The following CPNE4 variants were observed in gnomAD, a reference collection of about 807,000 sequenced individuals.
The protein encoded by CPNE4 is copine-4.
In CPNE4, 25 loss-of-function variants were observed where a neutral mutation model predicts 67.9. That is an observed-to-expected ratio of 0.37 (90% CI 0.27 to 0.51). The LOEUF (loss-of-function observed/expected upper bound fraction) is 0.51. Ranked by LOEUF, CPNE4 falls within the 20% of genes least tolerant of loss-of-function variation. The pLI, the probability that CPNE4 is intolerant of heterozygous loss-of-function variation, is 0.93. For synonymous variants in CPNE4, 242 were observed against 244.9 expected (o/e 0.99, Z 0.11); for missense variants, 464 against 690.8 (o/e 0.67, Z 3.68).
chr3:131,553,694 C>T (rs1481221716), intron 12 of CPNE4, among the ~76,000 whole-genome samples: 3 of 152,074 alleles, frequency 2.0e-5, no homozygotes, highest in Non-Finnish European at 2.9e-5. Context: ...TATTTGCATC[C>T]AAACCCTTGT....
At chr3:131,545,467 T>C (rs1427659890) in intron 14 of CPNE4, among the ~76,000 whole-genome samples, 1 of 152,198 alleles carries the variant, frequency 6.6e-6, no homozygotes, top group East Asian at 1.9e-4. Flanking sequence ...TCACTATAAG[T>C]GTAATCAACA....
chr3:131,785,742 A>G (rs894892374), intron 2 of CPNE4, among the ~76,000 whole-genome samples: 3 of 150,004 alleles, frequency 2.0e-5, no homozygotes, highest in Non-Finnish European at 4.4e-5. Context: ...TGTCTGTGAG[A>G]TCATCTTCAG....
chr3:131,790,892 C>T (rs1036997368), intron 2 of CPNE4, among the ~76,000 whole-genome samples: 2 of 152,030 alleles, frequency 1.3e-5, no homozygotes, highest in African/African-American at 2.4e-5. Flanking sequence ...TAGCCTAATA[C>T]AATACAATTT....
chr3:131,675,239 A>G (rs1313405749), intron 6 of CPNE4, among the ~76,000 whole-genome samples: 1 of 152,150 alleles, frequency 6.6e-6, no homozygotes, highest in Non-Finnish European at 1.5e-5. Context: ...TACATGGTCT[A>G]TCCTTGAGAA....
intron 10 of CPNE4, among the ~76,000 whole-genome samples, chr3:131,567,529 G>T (rs569020540): frequency 2.6e-4 from 39 of 152,068 alleles, no homozygotes; most frequent in African/African-American, 9.2e-4. Context: ...CGCAGAGTGA[G>T]AGTCTCCTTA....
At chr3:131,620,401 A>T in intron 7 of CPNE4, 1 of 954,890 alleles carries the variant, frequency 1.0e-6, no homozygotes, top group Non-Finnish European at 1.2e-6. Flanking sequence ...TTACTTTTGG[A>T]ATAGTGAGCC....
intron 1 of CPNE4, among the ~76,000 whole-genome samples, chr3:131,927,437 T>TG (rs55967553): frequency 0.44 from 67,233 of 151,876 alleles, 14,995 homozygotes; most frequent in Non-Finnish European, 0.45. Context: ...CCACTACAAA[T>TG]ACTTGTCTTT....
At chr3:132,019,122 C>G (rs1263342933) in intron 1 of CPNE4, among the ~76,000 whole-genome samples, 1 of 151,266 alleles carries the variant, frequency 6.6e-6, no homozygotes, top group African/African-American at 2.4e-5. Flanking sequence ...TTTCCATTTT[C>G]ACATTCCTAA....
intron 7 of CPNE4, among the ~76,000 whole-genome samples, chr3:131,616,612 C>T (rs1373680710): frequency 1.3e-5 from 2 of 152,224 alleles, no homozygotes; most frequent in Non-Finnish European, 2.9e-5. Context: ...CCATTACCCT[C>T]AAACCTTCAT....
intron 1 of CPNE4, among the ~76,000 whole-genome samples, chr3:132,005,342 TACACACACACACACACACACACACACAC>T (rs71639016): frequency 3.5e-5 from 3 of 86,528 alleles, no homozygotes; most frequent in Non-Finnish European, 6.9e-5. Flanking sequence ...TATATATATA[TACACACACACACACACACACACACACAC>T]ACATATATGT....
intron 2 of CPNE4, among the ~76,000 whole-genome samples, chr3:131,904,287 A>AT (rs1560572820): frequency 6.6e-6 from 1 of 152,052 alleles, no homozygotes; most frequent in Non-Finnish European, 1.5e-5. Context: ...TATTTCTGCC[A>AT]TCCCCATCTC....
chr3:131,957,759 T>C (rs1382687964), intron 1 of CPNE4, among the ~76,000 whole-genome samples: 2 of 152,240 alleles, frequency 1.3e-5, no homozygotes, highest in Non-Finnish European at 2.9e-5. Context: ...AAGGAGCTTA[T>C]TCTCAAAGAG....
At chr3:131,540,001 G>C (rs1477492513) in intron 15 of CPNE4, among the ~76,000 whole-genome samples, 1 of 152,126 alleles carries the variant, frequency 6.6e-6, no homozygotes, top group East Asian at 1.9e-4. Flanking sequence ...TCTACTCCTT[G>C]CTGTCCATAG....
intron 14 of CPNE4, among the ~76,000 whole-genome samples, chr3:131,547,535 GA>G (rs950136247): frequency 2.2e-5 from 3 of 136,334 alleles, no homozygotes; most frequent in African/African-American, 8.1e-5. Flanking sequence ...AAAAGAAGAG[GA>G]AAAATGAGCA....
intron 11 of CPNE4, 22 bp downstream of exon 11, chr3:131,564,194 C>T (rs775715047): frequency 3.1e-6 from 5 of 1,612,294 alleles, no homozygotes; most frequent in South Asian, 1.1e-5. Context: ...GATAAGGCTC[C>T]AAATGTCCTG....
chr3:131,950,265 T>G (rs2071683902), intron 1 of CPNE4, among the ~76,000 whole-genome samples: 1 of 152,236 alleles, frequency 6.6e-6, no homozygotes. Context: ...CACAGCCACT[T>G]AACTGTAACT....
At chr3:131,595,877 A>C (rs918606566) in intron 7 of CPNE4, among the ~76,000 whole-genome samples, 6 of 152,144 alleles carry the variant, frequency 3.9e-5, no homozygotes, top group African/African-American at 1.4e-4. Flanking sequence ...AGTGAACTAA[A>C]CCAGTCATAG....
rs979632056 is a variant in CPNE4 at position 131,564,415 on chromosome 3, G to A, written c.928-66C>T. 9 of 1,498,590 alleles carry A rather than the reference G, an allele frequency of 6.0e-6. No homozygotes were observed. In the African/African-American group the frequency reaches 1.1e-4, roughly 19 times the overall value. 92.8% of individuals were successfully genotyped at this position (1,498,590 alleles called of 1,614,324 possible). On this transcript the variant is annotated intron_variant, in intron 10 of 15. Coordinates refer to ENST00000429747, the MANE Select transcript of CPNE4 (RefSeq NM_130808.3). ...ATGCATCTCCTAAGAATTGTGATCA[G>A]TCATGAGAGAGACCTGGCCTCGGGT... is the stretch of plus-strand genomic sequence containing the variant.
chr3:131,668,711 C>T (rs191804043), intron 7 of CPNE4, among the ~76,000 whole-genome samples: 1 of 152,112 alleles, frequency 6.6e-6, no homozygotes, highest in East Asian at 1.9e-4. Flanking sequence ...GGGCCATTGA[C>T]AACAAGGAAC....
Sources: gnomAD v4.1 joint callset for allele counts (sites outside exome capture counted in the v4.1 genomes callset) on GRCh38, gnomAD v4.1.1 for gene constraint, MANE v1.5 for transcripts, NCBI Gene and HGNC (gene_info 2026-07-23, HGNC 2026-07-21) for gene names.